Variants in ZBTB16 observed in about 807,000 individuals in gnomAD.
ZBTB16 encodes zinc finger and BTB domain containing 16.
ZBTB16 carries 8 observed loss-of-function variants against 56.8 expected under a neutral mutation model. The observed-to-expected ratio is 0.14, with a 90% CI of 0.08 to 0.25. ZBTB16 has a LOEUF of 0.25. Among genes scored for constraint, ZBTB16 ranks in the 10% least tolerant of loss-of-function variants. The pLI is 1.00. For synonymous variants in ZBTB16, 363 were observed against 368.5 expected (o/e 0.98, Z 0.17); for missense variants, 625 against 903.0 (o/e 0.69, Z 3.95).
chr11:114,136,515 T>G (rs1463537441), intron 2 of ZBTB16, among the ~76,000 whole-genome samples: 1 of 152,122 alleles, frequency 6.6e-6, no homozygotes, highest in African/African-American at 2.4e-5. Context: ...TACAGAGAGT[T>G]TGTGAGAGTC....
rs373407914 is a variant in ZBTB16, at chr11:114,176,006, CGT to C, written c.1367-10929_1367-10928del. The stretch of plus-strand genomic sequence containing the variant: ...GTGTGTGTGTGTGTGTGTGTGCGTG[CGT>C]GTGTGTGTGTGTGTGTATGTGTGAA... On this transcript the variant is annotated intron_variant, in intron 3 of 6. Transcript: ENST00000335953. Among the ~76,000 whole-genome samples the C allele has an allele frequency of 1.1e-3, 164 of 146,318 alleles. 2 individuals are homozygous for C. Among genetic ancestry groups the C allele is most frequent in the South Asian group, 9.3e-3 (43 of 4,610 alleles).
chr11:114,114,004 T>G (rs1452503207), intron 2 of ZBTB16, among the ~76,000 whole-genome samples: 1 of 152,244 alleles, frequency 6.6e-6, no homozygotes, highest in Non-Finnish European at 1.5e-5. Flanking sequence ...GATTTCTTAG[T>G]GGCAGTAATG....
At chr11:114,198,136 G>C (rs967648888) in intron 4 of ZBTB16, among the ~76,000 whole-genome samples, 1 of 152,158 alleles carries the variant, frequency 6.6e-6, no homozygotes, top group Non-Finnish European at 1.5e-5. Context: ...GTGGTTTGCT[G>C]TGACCTCCCC....
chr11:114,102,991 C>T (rs988598758), intron 2 of ZBTB16, among the ~76,000 whole-genome samples: 1 of 152,216 alleles, frequency 6.6e-6, no homozygotes. Context: ...ATGTCTTGTT[C>T]CTCTCGGCTG....
At chr11:114,167,193 C>G (rs994523934) in intron 3 of ZBTB16, among the ~76,000 whole-genome samples, 1 of 148,984 alleles carries the variant, frequency 6.7e-6, no homozygotes, top group Non-Finnish European at 1.5e-5. Flanking sequence ...TGGAGAGGAG[C>G]CTCGGGCCAT....
intron 2 of ZBTB16, among the ~76,000 whole-genome samples, chr11:114,082,114 T>TCA (rs150038900): frequency 3.2e-4 from 42 of 129,994 alleles, no homozygotes; most frequent in Non-Finnish European, 3.2e-4. Context: ...AGACGATCTT[T>TCA]ACAAAAAAAA....
At chr11:114,100,987 G>A (rs1219785000) in intron 2 of ZBTB16, among the ~76,000 whole-genome samples, 4 of 151,944 alleles carry the variant, frequency 2.6e-5, no homozygotes, top group Non-Finnish European at 5.9e-5. Flanking sequence ...GGCCAGGAGC[G>A]TTGCAAGCTG....
chr11:114,116,606 T>A (rs1941182932), intron 2 of ZBTB16, among the ~76,000 whole-genome samples: 1 of 152,156 alleles, frequency 6.6e-6, no homozygotes, highest in Non-Finnish European at 1.5e-5. Flanking sequence ...ACTCATCAAA[T>A]ATTTACTGAA....
intron 2 of ZBTB16, among the ~76,000 whole-genome samples, chr11:114,098,810 A>G (rs145264359): frequency 2.0e-5 from 3 of 151,094 alleles, no homozygotes; most frequent in Admixed American, 1.3e-4. Context: ...AAGATCAATA[A>G]TATCAAATAA....
intron 2 of ZBTB16, among the ~76,000 whole-genome samples, chr11:114,080,959 G>T (rs531404079): frequency 6.6e-6 from 1 of 152,302 alleles, no homozygotes; most frequent in African/African-American, 2.4e-5. Flanking sequence ...AGAGCTGAAG[G>T]GCCCTTGGAA....
chr11:114,202,260 G>A (rs1391856399), intron 4 of ZBTB16, among the ~76,000 whole-genome samples: 3 of 152,256 alleles, frequency 2.0e-5, no homozygotes, highest in Admixed American at 6.5e-5. Context: ...TCAGCTGGAA[G>A]TGGGAGTGAC....
intron 2 of ZBTB16, among the ~76,000 whole-genome samples, chr11:114,145,873 G>T (rs1293570365): frequency 6.6e-6 from 1 of 152,202 alleles, no homozygotes; most frequent in South Asian, 2.1e-4. Context: ...GGCATACTCT[G>T]AGGTTATAGT....
chr11:114,228,909 G>A lies in ZBTB16; in HGVS notation c.1454-13258G>A, dbSNP rs1944383321. Among the ~76,000 whole-genome samples, 4 of 152,168 alleles carry A rather than the reference G, an allele frequency of 2.6e-5. No individual in the cohort carries two copies. In the South Asian group the frequency reaches 8.3e-4, roughly 32 times the overall value. On this transcript the variant is annotated intron_variant, in intron 4 of 6. Coordinates refer to ENST00000335953, the MANE Select transcript of ZBTB16 (RefSeq NM_006006.6). ...TGGTGTGAATGCAGGCCTGGCGGGC[G>A]CCCTGGTGTCAGCTGTCCCTCCCCT...
chr11:114,148,424 C>CTGTCTGT (rs1565651805), intron 2 of ZBTB16, among the ~76,000 whole-genome samples: 1 of 24,420 alleles, frequency 4.1e-5, no homozygotes, highest in Non-Finnish European at 8.6e-5. Flanking sequence ...TCCCTCCCTC[C>CTGTCTGT]CTCTCTCTCT....
intron 2 of ZBTB16, among the ~76,000 whole-genome samples, chr11:114,124,183 C>T (rs904655963): frequency 5.9e-5 from 9 of 152,008 alleles, no homozygotes; most frequent in African/African-American, 1.7e-4. Flanking sequence ...AAGTGTGATG[C>T]GAGGCCCTCA....
intron 2 of ZBTB16, among the ~76,000 whole-genome samples, chr11:114,110,334 C>T (rs935753880): frequency 6.6e-6 from 1 of 152,182 alleles, no homozygotes; most frequent in African/African-American, 2.4e-5. Context: ...CTGGGGTCAC[C>T]AGGGAAGTTA....
intron 3 of ZBTB16, among the ~76,000 whole-genome samples, chr11:114,168,811 A>G (rs1942869693): frequency 6.6e-6 from 1 of 152,128 alleles, no homozygotes; most frequent in Non-Finnish European, 1.5e-5. Flanking sequence ...GGGGGTGGGG[A>G]GGGTGGCATA....
At chr11:114,078,744 C>T (rs975393717) in intron 2 of ZBTB16, among the ~76,000 whole-genome samples, 3 of 150,722 alleles carry the variant, frequency 2.0e-5, no homozygotes, top group African/African-American at 7.3e-5. Flanking sequence ...TAGGAGGGGG[C>T]GGGCGTGGTA....
intron 2 of ZBTB16, among the ~76,000 whole-genome samples, chr11:114,071,037 C>G (rs1939328085): frequency 6.6e-6 from 1 of 152,082 alleles, no homozygotes; most frequent in Admixed American, 6.6e-5. Flanking sequence ...TCATCGTGAG[C>G]CTTAACTTCT....
Sources: allele counts gnomAD v4.1 joint callset (sites outside exome capture counted in the v4.1 genomes callset), GRCh38; gene constraint gnomAD v4.1.1; transcripts MANE v1.5; gene names NCBI Gene and HGNC (gene_info 2026-07-23, HGNC 2026-07-21).